Variants in MTCL2 observed in about 807,000 individuals in gnomAD.
The protein encoded by MTCL2 is microtubule crosslinking factor 2.
At chr20:36,830,211 GA>G in the MTCL2 span, among the ~76,000 whole-genome samples, 14 of 152,056 alleles carry the variant, frequency 9.2e-5, no homozygotes, top group East Asian at 9.7e-4. Context: ...GGGAGGGCCA[GA>G]AGCTCATCTT....
chr20:36,802,185 C>T, the MTCL2 span, among the ~76,000 whole-genome samples: 761 of 152,186 alleles, frequency 5.0e-3, 4 homozygotes, highest in African/African-American at 0.017. Flanking sequence ...ACTGAGGAGG[C>T]TGAAGCACAT....
At chr20:36,808,637 A>G in the MTCL2 span, 3 of 1,612,644 alleles carry the variant, frequency 1.9e-6, no homozygotes, top group East Asian at 2.2e-5. Flanking sequence ...CTGCACCAGC[A>G]TGTTCTTCTC....
At chr20:36,816,176 G>A in the MTCL2 span, 1 of 1,613,724 alleles carries the variant, frequency 6.2e-7, no homozygotes, top group South Asian at 1.1e-5. Context: ...GGTCCCCATA[G>A]AGCGAGCGGT....
At chr20:36,857,244 G>A in the MTCL2 span, among the ~76,000 whole-genome samples, 1 of 152,148 alleles carries the variant, frequency 6.6e-6, no homozygotes, top group South Asian at 2.1e-4. Flanking sequence ...ACATATCCGG[G>A]TGTGTCTAGG....
chr20:36,823,279 C>T, the MTCL2 span, among the ~76,000 whole-genome samples: 4 of 152,310 alleles, frequency 2.6e-5, no homozygotes, highest in South Asian at 2.1e-4. Flanking sequence ...AGATTGGCAA[C>T]GTAGCTGCTC....
the MTCL2 span, among the ~76,000 whole-genome samples, chr20:36,829,776 T>A: frequency 6.6e-6 from 1 of 151,942 alleles, no homozygotes; most frequent in Admixed American, 6.6e-5. Flanking sequence ...GACAGGTGGA[T>A]CACCTCAGGT....
the MTCL2 span, chr20:36,815,259 G>A: frequency 1.2e-6 from 2 of 1,613,990 alleles, no homozygotes; most frequent in South Asian, 1.1e-5. The surrounding 1 kb of genome is among the most constrained non-coding windows in gnomAD (Gnocchi z 5.3). Flanking sequence ...TGCCTTCCGC[G>A]TGAAGGCATT....
the MTCL2 span, chr20:36,785,199 C>T: frequency 1.0e-6 from 1 of 985,312 alleles, no homozygotes; most frequent in Non-Finnish European, 1.2e-6. Flanking sequence ...GTTGAGGGGC[C>T]CTCCAAAGCT....
chr20:36,794,794 G>A, the MTCL2 span: 31 of 676,160 alleles, frequency 4.6e-5, no homozygotes, highest in Non-Finnish European at 7.5e-5. This position sits in a 1 kb window ranked among gnomAD's most constrained non-coding sequence, Gnocchi z 5.4. Flanking sequence ...CTCCCAAACA[G>A]GTCTTGATAT....
chr20:36,843,749 G>A, the MTCL2 span, among the ~76,000 whole-genome samples: 1 of 152,088 alleles, frequency 6.6e-6, no homozygotes, highest in South Asian at 2.1e-4. Context: ...AGAATAGGAG[G>A]GTCTAAGTGG....
At chr20:36,804,524 C>T in the MTCL2 span, among the ~76,000 whole-genome samples, 18 of 152,322 alleles carry the variant, frequency 1.2e-4, no homozygotes, top group Admixed American at 3.9e-4. Context: ...CCCCACCTTC[C>T]TTCCCTTCCT....
the MTCL2 span, chr20:36,809,918 C>A: frequency 6.5e-7 from 1 of 1,543,704 alleles, no homozygotes; most frequent in Non-Finnish European, 8.8e-7. Context: ...ATCCTCAAGG[C>A]CTCTGCTTCC....
chr20:36,852,465 G>A, the MTCL2 span, among the ~76,000 whole-genome samples: 1 of 152,224 alleles, frequency 6.6e-6, no homozygotes, highest in Non-Finnish European at 1.5e-5. Flanking sequence ...CTCCAGATGA[G>A]ATCATCACAC....
the MTCL2 span, chr20:36,786,602 G>A: frequency 1.3e-6 from 2 of 1,550,864 alleles, no homozygotes; most frequent in Admixed American, 2.0e-5. Context: ...CGAAGCAGGA[G>A]GTGAGAGACT....
At chr20:36,780,698 G>A in the MTCL2 span, 1 of 152,170 alleles carries the variant, frequency 6.6e-6, no homozygotes, top group Non-Finnish European at 1.5e-5. Flanking sequence ...AGTTACATGG[G>A]GTGGGACATT....
the MTCL2 span, among the ~76,000 whole-genome samples, chr20:36,855,430 G>A: frequency 5.9e-5 from 9 of 152,150 alleles, no homozygotes; most frequent in East Asian, 5.8e-4. Context: ...CCTCACTACC[G>A]CAAAGCAGGT....
At chr20:36,841,874 G>GGGGGTGTGT in the MTCL2 span, among the ~76,000 whole-genome samples, 55 of 110,862 alleles carry the variant, frequency 5.0e-4, no homozygotes, top group African/African-American at 1.7e-3. Flanking sequence ...TGGGGGGTGG[G>GGGGGTGTGT]GTGTGTGTGT....
chr20:36,846,205 C>CA, the MTCL2 span, among the ~76,000 whole-genome samples: 4,053 of 122,340 alleles, frequency 0.033, 114 homozygotes, highest in African/African-American at 0.075. Flanking sequence ...GACTGTGTCT[C>CA]AAAAAAAAAA....
chr20:36,850,859 C>A, the MTCL2 span, among the ~76,000 whole-genome samples: 2 of 152,180 alleles, frequency 1.3e-5, no homozygotes, highest in Non-Finnish European at 2.9e-5. Flanking sequence ...TACGTCCACG[C>A]AATAGAATAC....
Sources: gnomAD v4.1 joint callset for allele counts (sites outside exome capture counted in the v4.1 genomes callset) on GRCh38, gnomAD v4.1.1 for gene constraint, Gnocchi (gnomAD v3.1) non-coding constraint, MANE v1.5 for transcripts, NCBI Gene and HGNC (gene_info 2026-07-23, HGNC 2026-07-21) for gene names.